Variants in KAZN observed in about 807,000 individuals in gnomAD.
KAZN encodes the protein kazrin, periplakin interacting protein.
A neutral mutation model predicts 87.4 loss-of-function variants in KAZN; 40 were observed. The observed-to-expected ratio is 0.46, with a 90% CI of 0.36 to 0.60. The LOEUF is 0.60. Ranked by LOEUF, KAZN falls within the 20% of genes least tolerant of loss-of-function variation. The pLI is 0.00. For missense variants in KAZN, 898 were observed against 1,073.9 expected, an observed-to-expected ratio of 0.84 and a Z score of 2.29; for synonymous variants, 466 against 458.3, an observed-to-expected ratio of 1.02 and a Z score of -0.22.
intron 1 of KAZN, among the ~76,000 whole-genome samples, chr1:14,629,788 T>C (rs578003418): frequency 6.6e-6 from 1 of 152,228 alleles, no homozygotes; most frequent in East Asian, 1.9e-4. Context: ...GGGGAGGCAC[T>C]AGGGCCGGGT....
intron 2 of KAZN, among the ~76,000 whole-genome samples, chr1:14,460,721 G>A (rs1483024743): frequency 1.3e-5 from 2 of 152,052 alleles, no homozygotes; most frequent in Non-Finnish European, 2.9e-5. Flanking sequence ...TCCTCATCAG[G>A]GTCCTTTGGT....
At chr1:14,808,827 C>A (rs936286966) in intron 1 of KAZN, among the ~76,000 whole-genome samples, 4 of 152,160 alleles carry the variant, frequency 2.6e-5, no homozygotes, top group Non-Finnish European at 5.9e-5. Context: ...TGGTTTAGGG[C>A]TCAGCAGTGT....
intron 1 of KAZN, among the ~76,000 whole-genome samples, chr1:14,907,274 C>G (rs10927570): frequency 6.6e-6 from 1 of 151,470 alleles, no homozygotes; most frequent in Non-Finnish European, 1.5e-5. Flanking sequence ...TGGTGGTGCA[C>G]GCTTGTAGTC....
At chr1:14,453,860 T>G (rs1667418312) in intron 2 of KAZN, among the ~76,000 whole-genome samples, 1 of 151,988 alleles carries the variant, frequency 6.6e-6, no homozygotes, top group Admixed American at 6.6e-5. Flanking sequence ...ATAGTCAATC[T>G]GCCATAAGCC....
intron 2 of KAZN, among the ~76,000 whole-genome samples, chr1:14,383,910 T>C (rs1295646699): frequency 6.6e-6 from 1 of 152,032 alleles, no homozygotes; most frequent in Non-Finnish European, 1.5e-5. Flanking sequence ...TTGGGCAGTA[T>C]GGCCATTTTC....
intron 1 of KAZN, among the ~76,000 whole-genome samples, chr1:14,649,420 C>T (rs1301892201): frequency 1.3e-5 from 2 of 152,152 alleles, no homozygotes; most frequent in Non-Finnish European, 2.9e-5. Context: ...AGTTTTAACC[C>T]AGGCAGTGTT....
At chr1:13,903,389 A>G (rs969531803) in intron 1 of KAZN, among the ~76,000 whole-genome samples, 21 of 152,176 alleles carry the variant, frequency 1.4e-4, no homozygotes, top group African/African-American at 2.4e-4. Context: ...TCGGCCCTTT[A>G]TATCAAGCAT....
chr1:14,992,794 C>G (rs75299352), intron 2 of KAZN, among the ~76,000 whole-genome samples: 295 of 152,142 alleles, frequency 1.9e-3, no homozygotes, highest in African/African-American at 6.9e-3. Flanking sequence ...TAGGCGCCCA[C>G]CAACACGCCC....
chr1:14,338,521 TGAGA>T (rs1454736155), intron 2 of KAZN, among the ~76,000 whole-genome samples: 1 of 127,006 alleles, frequency 7.9e-6, no homozygotes, highest in African/African-American at 3.0e-5. Context: ...AGAGAGAGAG[TGAGA>T]GAGAGAAAAG....
chr1:15,084,375 G>A (rs1295896728), intron 8 of KAZN, among the ~76,000 whole-genome samples: 1 of 152,198 alleles, frequency 6.6e-6, no homozygotes, highest in East Asian at 1.9e-4. Flanking sequence ...GGGCAGCGTG[G>A]GGGAAGACAT....
At chr1:14,159,185 C>T (rs1001285284) in intron 1 of KAZN, among the ~76,000 whole-genome samples, 1 of 152,204 alleles carries the variant, frequency 6.6e-6, no homozygotes, top group Non-Finnish European at 1.5e-5. Context: ...TTGTCCTTCC[C>T]TTCAAGGTGA....
chr1:14,610,947 G>A, intron 1 of KAZN, among the ~76,000 whole-genome samples: 1 of 152,154 alleles, frequency 6.6e-6, no homozygotes. Context: ...TAACCCGTTG[G>A]TTGTTTAGAT....
At chr1:13,904,562 A>C (rs1461591992) in intron 1 of KAZN, among the ~76,000 whole-genome samples, 6 of 152,060 alleles carry the variant, frequency 3.9e-5, no homozygotes, top group Admixed American at 3.9e-4. Flanking sequence ...TTCTAAGTTG[A>C]GTTATTTTCT....
At chr1:14,427,557 T>C (rs1345059508) in intron 2 of KAZN, among the ~76,000 whole-genome samples, 1 of 151,904 alleles carries the variant, frequency 6.6e-6, no homozygotes, top group Non-Finnish European at 1.5e-5. Context: ...ACATGTATAC[T>C]AAATTAAAGG....
intron 2 of KAZN, among the ~76,000 whole-genome samples, chr1:14,266,339 A>G (rs965328694): frequency 1.3e-5 from 2 of 152,190 alleles, no homozygotes; most frequent in African/African-American, 2.4e-5. Flanking sequence ...GTATCTCTCT[A>G]TATCTCACAT....
chr1:14,963,123 ACT>A (rs1664080810), intron 2 of KAZN, among the ~76,000 whole-genome samples: 1 of 151,578 alleles, frequency 6.6e-6, no homozygotes. Context: ...ATCTTTACTA[ACT>A]CTGTGCTGTA....
intron 1 of KAZN, among the ~76,000 whole-genome samples, chr1:14,761,358 T>C (rs779678016): frequency 6.6e-6 from 1 of 152,178 alleles, no homozygotes; most frequent in Non-Finnish European, 1.5e-5. Flanking sequence ...CCCTCTGTTC[T>C]CTATCACCTC....
chr1:14,835,595 C>A (rs1188024863), intron 1 of KAZN, among the ~76,000 whole-genome samples: 2 of 152,124 alleles, frequency 1.3e-5, no homozygotes, highest in Non-Finnish European at 2.9e-5. Flanking sequence ...AAATAACTGG[C>A]CCCAAATTGC....
chr1:14,411,641 G>A (rs532570016), intron 2 of KAZN, among the ~76,000 whole-genome samples: 14 of 152,304 alleles, frequency 9.2e-5, no homozygotes, highest in African/African-American at 3.1e-4. Context: ...TGCTGAAAGA[G>A]CTGCTTCTAA....
Sources: gnomAD v4.1 joint callset for allele counts (sites outside exome capture counted in the v4.1 genomes callset) on GRCh38, gnomAD v4.1.1 for gene constraint, MANE v1.5 for transcripts, NCBI Gene and HGNC (gene_info 2026-07-23, HGNC 2026-07-21) for gene names.